Variants in IREB2 observed in about 807,000 individuals in gnomAD.
IREB2 encodes the protein iron responsive element binding protein 2.
IREB2 carries 39 observed loss-of-function variants against 118.8 expected under a neutral mutation model. That is an observed-to-expected ratio of 0.33 (90% confidence interval 0.25 to 0.43). IREB2 has a LOEUF of 0.43. Ranked by LOEUF, IREB2 falls within the 20% of genes least tolerant of loss-of-function variation. IREB2 has a pLI of 1.00. For synonymous variants in IREB2, 372 were observed against 392.2 expected (o/e 0.95, Z 0.61); for missense variants, 900 against 1,147.3 (o/e 0.78, Z 3.11).
chr15:78,442,150 C>T (rs915122198), intron 2 of IREB2, among the ~76,000 whole-genome samples: 5 of 152,130 alleles, frequency 3.3e-5, no homozygotes, highest in African/African-American at 1.2e-4. Context: ...CCCACCTCAG[C>T]CTCTCAAAGT....
chr15:78,497,448 C>G (rs1264640775), intron 21 of IREB2, 137 bp downstream of exon 21: 2 of 667,728 alleles, frequency 3.0e-6, no homozygotes, highest in African/African-American at 3.6e-5. Flanking sequence ...CTCTCTCTTC[C>G]ATACTTAGAT....
chr15:78,480,716 G>A lies in IREB2; in HGVS notation c.1296+2319G>A, dbSNP rs568417345. Among the ~76,000 whole-genome samples the A allele has an allele frequency of 1.7e-3, 242 of 140,202 alleles. 3 individuals are homozygous for A. The highest frequency in any genetic ancestry group is 6.0e-3 in the African/African-American group (226 of 37,544). The allele number at this position is 140,202 out of a possible 152,430, so 92.0% of individuals were successfully genotyped here. A position where few individuals can be genotyped will look rare whatever the true frequency, so the allele number is the denominator to read the frequency against. On this transcript the variant is annotated intron_variant, in intron 10 of 21. Coordinates refer to ENST00000258886, the MANE Select transcript of IREB2 (RefSeq NM_004136.4). ...AAAAAAAAAAAAAAAATGTCTGGCC[G>A]GGCGTGGTGGCTCACGCCTGTAATC... is the stretch of plus-strand genomic sequence containing the variant.
At chr15:78,444,658 T>G (rs1176262142) in intron 2 of IREB2, among the ~76,000 whole-genome samples, 1 of 152,152 alleles carries the variant, frequency 6.6e-6, no homozygotes, top group African/African-American at 2.4e-5. Flanking sequence ...GACAAGAACA[T>G]TGCAGATGGT....
intron 1 of IREB2, 75 bp downstream of exon 1, chr15:78,438,431 C>T (rs1287322220): frequency 1.3e-6 from 2 of 1,524,568 alleles, no homozygotes; most frequent in African/African-American, 1.4e-5. Flanking sequence ...CCTTGCTTTT[C>T]TCGCCTGGAG....
At position 78,478,347 on chromosome 15, in the gene IREB2, A is replaced by G; in HGVS notation, c.1246A>G (p.Lys416Glu). 6.2e-7 allele frequency: 1 copy of G among 1,613,842 alleles called. No individual in the cohort carries two copies. Among genetic ancestry groups the G allele is most frequent in the Non-Finnish European group, 8.5e-7 (1 of 1,179,734 alleles). Residue 416 changes from lysine (K) to glutamate (E), a missense_variant, in exon 10 of 22, where the codon AAA (lysine) becomes GAA (glutamate). Transcript: ENST00000258886. ...ESMETYLKAVKLFRNDQNSSG... is the reference protein window; with the variant it reads ...ESMETYLKAVELFRNDQNSSG... Reference sequence around the variant, plus strand: ...AATGGAAACATACCTTAAAGCTGTGAAATTGTTTCGAAATGACCAGAATTC... The same window carrying G: ...AATGGAAACATACCTTAAAGCTGTGGAATTGTTTCGAAATGACCAGAATTC...
intron 8 of IREB2, chr15:78,473,620 T>C (rs1457399456): frequency 2.3e-6 from 1 of 435,314 alleles, no homozygotes; most frequent in African/African-American, 2.0e-5. Flanking sequence ...ATAACAAGCC[T>C]GTGAGATGGA....
chr15:78,478,046 G>C (rs1287483889), intron 9 of IREB2, among the ~76,000 whole-genome samples: 1 of 145,256 alleles, frequency 6.9e-6, no homozygotes, highest in Non-Finnish European at 1.5e-5. Context: ...AAAAAAACAA[G>C]ACCCTCCCGC....
Position 78,493,724 on chromosome 15 carries a change from G to A in IREB2, c.2325-185G>A, listed in dbSNP as rs141448549. ...TCAAAATAATCTAATGGGGTTGACTGTAGAAGAAACGGAGCATCTGTTAAG... is the reference window on the plus strand; with the variant it reads ...TCAAAATAATCTAATGGGGTTGACTATAGAAGAAACGGAGCATCTGTTAAG... On this transcript the variant is annotated intron_variant, in intron 18 of 21. Coordinates refer to ENST00000258886, the MANE Select transcript of IREB2 (RefSeq NM_004136.4). Among the ~76,000 whole-genome samples the A allele has an allele frequency of 6.4e-3, 967 of 152,160 alleles. 11 individuals are homozygous for A. The highest frequency in any genetic ancestry group is 0.022 in the African/African-American group (919 of 41,488).
At chr15:78,482,930 G>A (rs1037542551) in intron 10 of IREB2, among the ~76,000 whole-genome samples, 6 of 152,042 alleles carry the variant, frequency 3.9e-5, no homozygotes, top group African/African-American at 1.4e-4. Flanking sequence ...TAGTAGAGAC[G>A]AGGTTTCACT....
intron 20 of IREB2, among the ~76,000 whole-genome samples, chr15:78,496,036 AC>A (rs1306748681): frequency 6.6e-5 from 10 of 152,164 alleles, no homozygotes; most frequent in Non-Finnish European, 1.0e-4. Context: ...ACCTGTGTCC[AC>A]GAGTATTCTG....
At chr15:78,467,241 G>A (rs1015315810) in intron 5 of IREB2, among the ~76,000 whole-genome samples, 2 of 148,926 alleles carry the variant, frequency 1.3e-5, no homozygotes, top group Admixed American at 6.7e-5. Context: ...GTATGTTAAC[G>A]ATAAAATTTT....
At chr15:78,478,847 C>T (rs2051520138) in intron 10 of IREB2, among the ~76,000 whole-genome samples, 1 of 152,216 alleles carries the variant, frequency 6.6e-6, no homozygotes, top group Non-Finnish European at 1.5e-5. Context: ...TTAGATATGA[C>T]AATATCTACC....
chr15:78,454,689 G>A (rs557562050), intron 2 of IREB2, among the ~76,000 whole-genome samples: 11 of 152,232 alleles, frequency 7.2e-5, no homozygotes, highest in African/African-American at 2.4e-4. Flanking sequence ...AATAAACTTA[G>A]GACTTGTTTT....
chr15:78,439,910 TG>T (rs1339111041), intron 2 of IREB2, 29 bp downstream of exon 2: 1 of 1,328,818 alleles, frequency 7.5e-7, no homozygotes, highest in Non-Finnish European at 1.1e-6. Flanking sequence ...TTCTTGGGTT[TG>T]TTTAGTCTCT....
chr15:78,445,166 C>G (rs569734105), intron 2 of IREB2, among the ~76,000 whole-genome samples: 2 of 141,610 alleles, frequency 1.4e-5, no homozygotes, highest in Admixed American at 1.5e-4. Flanking sequence ...GAGACAGAGT[C>G]TTGCTGTGTT....
At chr15:78,445,358 G>A (rs777624475) in intron 2 of IREB2, among the ~76,000 whole-genome samples, 12 of 151,958 alleles carry the variant, frequency 7.9e-5, no homozygotes, top group Non-Finnish European at 1.2e-4. Context: ...GGCTGGTCTC[G>A]GAACTCCTGG....
chr15:78,476,116 A>G (rs1250194733), intron 8 of IREB2, 72 bp from the exon 9 acceptor site: 2 of 1,172,516 alleles, frequency 1.7e-6, no homozygotes, highest in East Asian at 2.4e-5. Flanking sequence ...ATTTTATTTT[A>G]TAGTTTTCAG....
chr15:78,445,693 A>G (rs1595983961), intron 2 of IREB2, among the ~76,000 whole-genome samples: 1 of 152,190 alleles, frequency 6.6e-6, no homozygotes, highest in Non-Finnish European at 1.5e-5. Context: ...ATAATGCCCA[A>G]TATGGCCACT....
intron 2 of IREB2, among the ~76,000 whole-genome samples, chr15:78,458,417 C>G (rs1307712406): frequency 6.6e-6 from 1 of 152,080 alleles, no homozygotes. Flanking sequence ...AATCTCTATA[C>G]CTTCCTCTCA....
Sources: allele counts gnomAD v4.1 joint callset (sites outside exome capture counted in the v4.1 genomes callset), GRCh38; gene constraint gnomAD v4.1.1; transcripts MANE v1.5; gene names NCBI Gene and HGNC (gene_info 2026-07-23, HGNC 2026-07-21).